Variants in DNAAF19 observed in about 807,000 individuals in gnomAD.
The protein encoded by DNAAF19 is coiled-coil domain containing 103.
chr17:44,899,958 A>G, the DNAAF19 span: 2 of 152,300 alleles, frequency 1.3e-5, no homozygotes, highest in South Asian at 2.1e-4. Flanking sequence ...CAGATTCCCT[A>G]CGTTGGGGTA....
At chr17:44,900,106 G>A in the DNAAF19 span, among the ~76,000 whole-genome samples, 1 of 152,004 alleles carries the variant, frequency 6.6e-6, no homozygotes, top group Non-Finnish European at 1.5e-5. Context: ...CCAGAGCCAC[G>A]ACTAGAACCC....
chr17:44,902,512 G>C, the DNAAF19 span: 1 of 1,614,242 alleles, frequency 6.2e-7, no homozygotes, highest in Non-Finnish European at 8.5e-7. Flanking sequence ...TGTGGGATTT[G>C]GACTTCTTGG....
At chr17:44,901,164 C>T in the DNAAF19 span, 109 of 1,600,980 alleles carry the variant, frequency 6.8e-5, no homozygotes, top group African/African-American at 1.4e-3. Flanking sequence ...CCATTTTTCT[C>T]AGGCCCTCCT....
the DNAAF19 span, chr17:44,905,106 C>T: frequency 7.5e-6 from 11 of 1,462,552 alleles, no homozygotes; most frequent in Non-Finnish European, 1.0e-5. Context: ...AGTTGTCCTT[C>T]AATGTGTTTG....
At chr17:44,903,172 G>A in the DNAAF19 span, 1 of 1,266,948 alleles carries the variant, frequency 7.9e-7, no homozygotes, top group Non-Finnish European at 9.9e-7. Flanking sequence ...AAGGGAAAAA[G>A]CAAAATCTTT....
chr17:44,900,443 G>C, the DNAAF19 span, among the ~76,000 whole-genome samples: 123 of 152,150 alleles, frequency 8.1e-4, no homozygotes, highest in Middle Eastern at 3.4e-3. Context: ...TGGGGATGGG[G>C]TCATTGAGCT....
the DNAAF19 span, chr17:44,900,980 G>C: frequency 3.8e-6 from 6 of 1,590,158 alleles, no homozygotes; most frequent in African/African-American, 1.4e-5. Flanking sequence ...TATTCCCTTT[G>C]CCTTCCCAGG....
the DNAAF19 span, chr17:44,902,498 C>T: frequency 1.2e-6 from 2 of 1,614,234 alleles, no homozygotes; most frequent in African/African-American, 1.3e-5. Flanking sequence ...CTCTTCCAGA[C>T]AGATGTGGGA....
chr17:44,904,257 G>A, the DNAAF19 span: 1 of 1,550,502 alleles, frequency 6.4e-7, no homozygotes, highest in Middle Eastern at 1.7e-4. Flanking sequence ...ATCCAGAACA[G>A]TGAGGGAATG....
the DNAAF19 span, chr17:44,905,088 T>G: frequency 2.0e-6 from 3 of 1,503,660 alleles, no homozygotes; most frequent in Non-Finnish European, 2.7e-6. Flanking sequence ...TCTTCAGCTC[T>G]GAAGACCAGT....
chr17:44,902,595 C>T, the DNAAF19 span: 1 of 1,614,168 alleles, frequency 6.2e-7, no homozygotes, highest in Non-Finnish European at 8.5e-7. Flanking sequence ...TCCTATGCAG[C>T]CTGGCGAGCA....
At chr17:44,904,460 G>T in the DNAAF19 span, 1 of 1,544,356 alleles carries the variant, frequency 6.5e-7, no homozygotes, top group South Asian at 1.2e-5. Flanking sequence ...CGTGCCCGAT[G>T]TGGTGTCTTG....
chr17:44,904,096 G>C, the DNAAF19 span: 31 of 1,550,654 alleles, frequency 2.0e-5, 1 homozygote, highest in Admixed American at 3.5e-4. Flanking sequence ...TGCTGACGGA[G>C]GCAGCCCAGG....
At chr17:44,903,367 A>G in the DNAAF19 span, 1 of 1,249,562 alleles carries the variant, frequency 8.0e-7, no homozygotes, top group South Asian at 3.8e-5. Context: ...GCTCAGGTCC[A>G]GCCAGCCTCC....
chr17:44,904,659 A>C, the DNAAF19 span: 26 of 1,550,488 alleles, frequency 1.7e-5, no homozygotes, highest in South Asian at 3.0e-4. Context: ...ATTCAGTTCC[A>C]CCAGCAGAGA....
the DNAAF19 span, chr17:44,902,676 G>C: frequency 1.2e-6 from 2 of 1,614,166 alleles, no homozygotes; most frequent in East Asian, 4.5e-5. Context: ...GCTTGTTTCA[G>C]AAGCTGCAAG....
At chr17:44,901,037 G>A in the DNAAF19 span, 1 of 1,600,500 alleles carries the variant, frequency 6.2e-7, no homozygotes, top group South Asian at 1.1e-5. Context: ...AGGCTTTGGA[G>A]AAAGAGCTGC....
chr17:44,901,491 A>G, the DNAAF19 span: 76 of 1,613,618 alleles, frequency 4.7e-5, no homozygotes, highest in Non-Finnish European at 6.2e-5. Flanking sequence ...CATTAAGTCC[A>G]TTGCCTAATT....
the DNAAF19 span, chr17:44,902,436 G>A: frequency 6.2e-7 from 1 of 1,614,242 alleles, no homozygotes; most frequent in Non-Finnish European, 8.5e-7. Flanking sequence ...TGCCAAGTGG[G>A]CCAGAGCGCT....
Sources: allele counts gnomAD v4.1 joint callset (sites outside exome capture counted in the v4.1 genomes callset), GRCh38; gene constraint gnomAD v4.1.1; transcripts MANE v1.5; gene names NCBI Gene and HGNC (gene_info 2026-07-23, HGNC 2026-07-21).